The following IL1RAPL1 variants were observed in gnomAD, a reference collection of about 807,000 sequenced individuals.
IL1RAPL1 encodes the protein interleukin-1 receptor accessory protein-like 1.
A neutral mutation model predicts 48.4 loss-of-function variants in IL1RAPL1; 3 were observed. The observed-to-expected ratio is 0.06, with a 90% CI of 0.03 to 0.16. The LOEUF (loss-of-function observed/expected upper bound fraction) is 0.16, where lower values mean the gene tolerates loss of function less well. Among genes scored for constraint, IL1RAPL1 ranks in the 10% least tolerant of loss-of-function variants. The probability of loss-of-function intolerance (pLI) is 1.00; values close to 1 mark genes in which losing one functional copy is unlikely to be tolerated. For synonymous variants in IL1RAPL1, 185 were observed against 187.7 expected (o/e 0.99, Z 0.12); for missense variants, 349 against 530.6 (o/e 0.66, Z 3.36).
At chrX:29,183,767 C>T (rs1233170092) in intron 2 of IL1RAPL1, among the ~76,000 whole-genome samples, 2 of 112,446 alleles carry the variant, frequency 1.8e-5, no homozygotes, top group African/African-American at 6.5e-5. Context: ...GATCTCAGCT[C>T]ACTGCAACTT....
chrX:28,679,318 A>G (rs1299966992), intron 1 of IL1RAPL1, among the ~76,000 whole-genome samples: 2 of 111,280 alleles, frequency 1.8e-5, no homozygotes, highest in Non-Finnish European at 3.8e-5. Flanking sequence ...TTTCGTTTTC[A>G]TTATTGTATG....
intron 2 of IL1RAPL1, among the ~76,000 whole-genome samples, chrX:29,158,912 C>CTTTTT (rs1488819274): frequency 1.5e-5 from 1 of 64,646 alleles, no homozygotes; most frequent in African/African-American, 8.4e-5. Flanking sequence ...CTTTTCTTTT[C>CTTTTT]TCTCTCTCTC....
chrX:29,060,945 T>G (rs1927328233), intron 2 of IL1RAPL1, among the ~76,000 whole-genome samples: 1 of 111,546 alleles, frequency 9.0e-6, no homozygotes, highest in African/African-American at 3.2e-5. Context: ...ATAAAAAATA[T>G]TGGCTTATTT....
At chrX:29,065,836 A>G (rs1433713709) in intron 2 of IL1RAPL1, among the ~76,000 whole-genome samples, 1 of 112,054 alleles carries the variant, frequency 8.9e-6, no homozygotes, top group Non-Finnish European at 1.9e-5. Flanking sequence ...TTCAGCTATT[A>G]TAATTTTTAA....
intron 2 of IL1RAPL1, among the ~76,000 whole-genome samples, chrX:28,916,594 G>A (rs2147334974): frequency 8.9e-6 from 1 of 112,199 alleles, no homozygotes; most frequent in Non-Finnish European, 1.9e-5. Context: ...ATTTGTGTAG[G>A]AAGCACCTGC....
At chrX:29,695,310 C>T (rs1926879568) in intron 6 of IL1RAPL1, among the ~76,000 whole-genome samples, 1 of 111,487 alleles carries the variant, frequency 9.0e-6, no homozygotes, top group Non-Finnish European at 1.9e-5. Context: ...TGGTAAGACT[C>T]ATAGTATTCA....
intron 1 of IL1RAPL1, among the ~76,000 whole-genome samples, chrX:28,688,627 A>G (rs1300426248): frequency 8.9e-6 from 1 of 111,946 alleles, no homozygotes; most frequent in Non-Finnish European, 1.9e-5. Flanking sequence ...CAGGGTTTAG[A>G]GGGGCTCTGG....
chrX:28,982,056 A>G (rs1347577798), intron 2 of IL1RAPL1, among the ~76,000 whole-genome samples: 1 of 111,766 alleles, frequency 8.9e-6, no homozygotes, highest in East Asian at 2.8e-4. Flanking sequence ...TATCCCTCCA[A>G]TTTGAGGGTA....
Position 29,954,622 on chromosome X carries a change from A to G in IL1RAPL1, c.1302A>G (p.Leu434=). The part of the protein sequence containing the change: ...GEEERFALEI[L]PDMLEKHYGY... ...AAGAACGTTTTGCCCTTGAAATCCT[A>G]CCTGATATGCTTGAAAAGCATTATG... Residue 434 remains leucine (L), a synonymous_variant, in exon 10 of 11, where the codon CTA becomes CTG. Coordinates refer to ENST00000378993, the MANE Select transcript of IL1RAPL1 (RefSeq NM_014271.4). 1 of 1,201,758 alleles carries G rather than the reference A, an allele frequency of 8.3e-7. No individual in the cohort carries two copies. Among genetic ancestry groups the G allele is most frequent in the South Asian group, 1.8e-5 (1 of 56,740 alleles).
intron 2 of IL1RAPL1, among the ~76,000 whole-genome samples, chrX:29,134,295 C>T (rs182313263): frequency 3.8e-4 from 42 of 111,447 alleles, no homozygotes; most frequent in Admixed American, 3.5e-3. Context: ...AGTGACTGTA[C>T]CATATTTGTT....
intron 2 of IL1RAPL1, among the ~76,000 whole-genome samples, chrX:29,137,557 A>G (rs139544629): frequency 1.4e-3 from 153 of 112,056 alleles, no homozygotes; most frequent in Admixed American, 3.8e-3. Context: ...GTTCTAAAAT[A>G]TGCTTGAGAT....
intron 6 of IL1RAPL1, among the ~76,000 whole-genome samples, chrX:29,687,504 G>A (rs747748650): frequency 1.2e-3 from 135 of 111,422 alleles, no homozygotes; most frequent in Non-Finnish European, 2.1e-3. Context: ...GGAGAGGGTA[G>A]GAAGATGGGG....
chrX:29,902,382 C>A (rs569426117), intron 6 of IL1RAPL1, among the ~76,000 whole-genome samples: 1 of 110,793 alleles, frequency 9.0e-6, no homozygotes, highest in South Asian at 3.9e-4. Flanking sequence ...TGAGCCCTTA[C>A]AAGAATCTTT....
intron 2 of IL1RAPL1, among the ~76,000 whole-genome samples, chrX:28,895,375 G>C (rs113550593): frequency 9.2e-6 from 1 of 108,322 alleles, no homozygotes; most frequent in African/African-American, 3.4e-5. Flanking sequence ...GCATTGAGGG[G>C]GGTAAGGGTG....
chrX:28,969,864 C>CAT (rs752059677), intron 2 of IL1RAPL1, among the ~76,000 whole-genome samples: 2 of 97,967 alleles, frequency 2.0e-5, no homozygotes, highest in Admixed American at 1.2e-4. Flanking sequence ...TTTCTAAACA[C>CAT]ATATATATAT....
chrX:29,802,084 T>C (rs747255469), intron 6 of IL1RAPL1, among the ~76,000 whole-genome samples: 1 of 112,230 alleles, frequency 8.9e-6, no homozygotes, highest in East Asian at 2.8e-4. Context: ...TGTTCATGTG[T>C]ATGTCTGTGT....
At chrX:29,693,161 A>T (rs1601781841) in intron 6 of IL1RAPL1, among the ~76,000 whole-genome samples, 1 of 112,171 alleles carries the variant, frequency 8.9e-6, no homozygotes, top group East Asian at 2.8e-4. Flanking sequence ...ATAAACAGAC[A>T]TTTGACAGAC....
intron 6 of IL1RAPL1, among the ~76,000 whole-genome samples, chrX:29,798,901 A>G (rs1446305682): frequency 2.2e-4 from 25 of 112,360 alleles, no homozygotes; most frequent in Non-Finnish European, 5.6e-5. Context: ...TTGTTTGATA[A>G]AATTGTTATA....
intron 1 of IL1RAPL1, among the ~76,000 whole-genome samples, chrX:28,658,359 A>G (rs1177234636): frequency 2.7e-5 from 3 of 111,587 alleles, no homozygotes; most frequent in African/African-American, 9.8e-5. Flanking sequence ...CTGGGACTAC[A>G]GGTGCTTGCC....
Sources: gnomAD v4.1 joint callset for allele counts (sites outside exome capture counted in the v4.1 genomes callset) on GRCh38, gnomAD v4.1.1 for gene constraint, MANE v1.5 for transcripts, NCBI Gene and HGNC (gene_info 2026-07-23, HGNC 2026-07-21) for gene names.